Variants in EPHA8 observed in about 807,000 individuals in gnomAD.
EPHA8 encodes ephrin type-A receptor 8.
In EPHA8, 58 loss-of-function variants were observed where a neutral mutation model predicts 103.6. The ratio of observed to expected loss-of-function variants is 0.56; its 90% CI spans 0.45 to 0.70. EPHA8 has a LOEUF of 0.70. Ranked by LOEUF, EPHA8 falls within the 30% of genes least tolerant of loss-of-function variation. The pLI is 0.00. For synonymous variants in EPHA8, 559 were observed against 572.5 expected, an observed-to-expected ratio of 0.98 and a Z score of 0.34; for missense variants, 1,304 against 1,395.2, an observed-to-expected ratio of 0.93 and a Z score of 1.04.
intron 3 of EPHA8, among the ~76,000 whole-genome samples, chr1:22,580,585 G>T (rs1487622169): frequency 6.6e-6 from 1 of 152,160 alleles, no homozygotes; most frequent in Non-Finnish European, 1.5e-5. Flanking sequence ...GGTTTGCCAG[G>T]CTCCCCAGGC....
chr1:22,578,868 CACGTGTCCGT>C (rs559453652), intron 3 of EPHA8, among the ~76,000 whole-genome samples: 3 of 128,288 alleles, frequency 2.3e-5, no homozygotes, highest in African/African-American at 1.1e-4. Context: ...TGTGTATATG[CACGTGTCCGT>C]GTGTCCGTGT....
At chr1:22,591,168 T>C (rs1025806920) in intron 5 of EPHA8, among the ~76,000 whole-genome samples, 1 of 151,640 alleles carries the variant, frequency 6.6e-6, no homozygotes, top group Non-Finnish European at 1.5e-5. Flanking sequence ...GGCGGGAGGA[T>C]CACTTGAGGC....
chr1:22,585,784 T>C (rs1471212221), intron 3 of EPHA8, among the ~76,000 whole-genome samples: 6 of 152,124 alleles, frequency 3.9e-5, no homozygotes, highest in Non-Finnish European at 8.8e-5. Flanking sequence ...AGTGTGGGCC[T>C]GGGAGGGGAG....
chr1:22,590,267 T>C (rs1335558509), intron 5 of EPHA8, among the ~76,000 whole-genome samples: 1 of 152,128 alleles, frequency 6.6e-6, no homozygotes, highest in Non-Finnish European at 1.5e-5. Context: ...TGGTCCCAAG[T>C]GGAGGGGAGA....
At chr1:22,572,445 G>C (rs547166585) in intron 2 of EPHA8, among the ~76,000 whole-genome samples, 3 of 152,334 alleles carry the variant, frequency 2.0e-5, no homozygotes, top group South Asian at 2.1e-4. Flanking sequence ...TACGAAGACT[G>C]GGGGAGGTCT....
intron 13 of EPHA8, among the ~76,000 whole-genome samples, chr1:22,599,709 GGGAA>G (rs1284460330): frequency 1.2e-4 from 1 of 8,508 alleles, no homozygotes; most frequent in Non-Finnish European, 2.3e-4. Context: ...GGAGGAAGGA[GGGAA>G]GGAAGGGAGG....
chr1:22,598,793 C>G lies in EPHA8; in HGVS notation c.2179-45C>G, dbSNP rs777637611. 1.9e-6 allele frequency: 3 copies of G among 1,589,752 alleles called. 1 individual carries two copies. The South Asian group carries it at 3.3e-5, about 18-fold the overall frequency. ...GAGGTGTTCCTGTTCACGGACCAGG[C>G]GCCTCGCCGGGCTTTCCTGAAGTCC... On this transcript the variant is annotated intron_variant, in intron 12 of 16. Coordinates refer to ENST00000166244, the MANE Select transcript of EPHA8 (RefSeq NM_020526.5). This position sits in a 1 kb window ranked among gnomAD's most constrained non-coding sequence, Gnocchi z 5.1.
chr1:22,571,426 A>G (rs1453836007), intron 2 of EPHA8, among the ~76,000 whole-genome samples: 2 of 152,156 alleles, frequency 1.3e-5, no homozygotes, highest in South Asian at 2.1e-4. Context: ...GTTCCAGCTG[A>G]TGGCAAGCTG....
chr1:22,596,958 A>G (rs1174488436), intron 9 of EPHA8, among the ~76,000 whole-genome samples: 1 of 152,194 alleles, frequency 6.6e-6, no homozygotes, highest in Non-Finnish European at 1.5e-5. Flanking sequence ...ACGCCCAGCC[A>G]GAAACTATTT....
At position 22,598,755 on chromosome 1, in the gene EPHA8, AT is replaced by A; in HGVS notation, c.2179-82del. The A allele has an allele frequency of 7.1e-7, 1 of 1,408,836 alleles. No individual in the cohort carries two copies. Among genetic ancestry groups the A allele is most frequent in the Non-Finnish European group, 9.8e-7 (1 of 1,020,878 alleles). 87.3% of individuals were successfully genotyped at this position (1,408,836 alleles called of 1,614,324 possible). A position where few individuals can be genotyped will look rare whatever the true frequency, so the allele number is the denominator to read the frequency against. On this transcript the variant is annotated intron_variant, in intron 12 of 16. Coordinates refer to ENST00000166244, the MANE Select transcript of EPHA8 (RefSeq NM_020526.5). This position sits in a 1 kb window ranked among gnomAD's most constrained non-coding sequence, Gnocchi z 5.1. Reference sequence around the variant, plus strand: ...CAAAGCACCGTCTCAACTCGAGAGCATCCTACAGATGGGAGGTGTTCCTGTT... The same window carrying A: ...CAAAGCACCGTCTCAACTCGAGAGCACCTACAGATGGGAGGTGTTCCTGTT...
At chr1:22,564,122 A>G (rs1640282660) in intron 1 of EPHA8, among the ~76,000 whole-genome samples, 1 of 141,270 alleles carries the variant, frequency 7.1e-6, no homozygotes, top group African/African-American at 2.7e-5. Flanking sequence ...GGTTGGGGAC[A>G]GAGGACAGGG....
chr1:22,597,420 G>C lies in EPHA8; in HGVS notation c.1874G>C (p.Ser625Thr). Reference sequence around the variant, plus strand: ...GAGGAGCCAGGCCGGGCGGGCCGCAGTTTCACTCGGGAGATCGAGGCCTCT... The same window carrying C: ...GAGGAGCCAGGCCGGGCGGGCCGCACTTTCACTCGGGAGATCGAGGCCTCT... ...TYEEPGRAGR[S>T]FTREIEASRI... The change falls in exon 10 of 17, where the codon AGT (serine) becomes ACT (threonine). Residue 625 changes from serine (S) to threonine (T), a missense_variant. Ser to Thr is a moderately conservative substitution (Grantham distance 58, BLOSUM62 1). Coordinates refer to ENST00000166244, the MANE Select transcript of EPHA8 (RefSeq NM_020526.5). The surrounding 1 kb of genome is among the most constrained non-coding windows in gnomAD (Gnocchi z 4.6). The C allele has an allele frequency of 6.2e-7, 1 of 1,613,594 alleles. No individual in the cohort carries two copies. Among genetic ancestry groups the C allele is most frequent in the South Asian group, 1.1e-5 (1 of 91,082 alleles).
At chr1:22,587,159 G>T (rs1641235596) in intron 4 of EPHA8, among the ~76,000 whole-genome samples, 1 of 152,258 alleles carries the variant, frequency 6.6e-6, no homozygotes, top group South Asian at 2.1e-4. Context: ...TGCAGTGATT[G>T]TGTGTTAGCG....
At chr1:22,588,736 G>C in intron 4 of EPHA8, 135 bp from the exon 5 acceptor site, 1 of 1,462,026 alleles carries the variant, frequency 6.8e-7, no homozygotes, top group Non-Finnish European at 9.0e-7. Context: ...GGATGGAGTA[G>C]ATGTGGACCT....
rs1210934249 is a variant in EPHA8, at chr1:22,598,861, C to G, written c.2202C>G (p.Ile734Met). ...AGACCCACGACGGGCAGTTCACCAT[C>G]ATGCAGCTGGTGGGCATGCTGAGAG... ...FLRTHDGQFT[I>M]MQLVGMLRGV... The change falls in exon 13 of 17, where the codon ATC becomes ATG. Residue 734 changes from isoleucine (I) to methionine (M), a missense_variant. Coordinates refer to ENST00000166244, the MANE Select transcript of EPHA8 (RefSeq NM_020526.5). The surrounding 1 kb of genome is among the most constrained non-coding windows in gnomAD (Gnocchi z 5.1). 9 of 1,613,064 alleles carry G rather than the reference C, an allele frequency of 5.6e-6. No homozygotes were observed. Among genetic ancestry groups the G allele is most frequent in the Non-Finnish European group, 7.6e-6 (9 of 1,179,974 alleles).
At chr1:22,578,530 TATGCGTGC>T (rs1404532321) in intron 3 of EPHA8, among the ~76,000 whole-genome samples, 2 of 136,764 alleles carry the variant, frequency 1.5e-5, no homozygotes, top group Admixed American at 1.5e-4. Context: ...CATGTGTGCA[TATGCGTGC>T]ATGTGTGCGT....
intron 14 of EPHA8, 27 bp downstream of exon 14, chr1:22,600,837 CG>C (rs746054355): frequency 2.5e-6 from 4 of 1,590,338 alleles, no homozygotes; most frequent in African/African-American, 1.3e-5. Flanking sequence ...GGCAGGTCCG[CG>C]GGCGGTGGAG....
chr1:22,585,050 T>TGTGTGTGTGTGCGCGC (rs71020436), intron 3 of EPHA8, among the ~76,000 whole-genome samples: 1 of 93,494 alleles, frequency 1.1e-5, no homozygotes, highest in Non-Finnish European at 2.1e-5. Flanking sequence ...TGTGTGTGTG[T>TGTGTGTGTGTGCGCGC]GCGCACGCGT....
At chr1:22,568,656 G>C (rs986403479) in intron 1 of EPHA8, among the ~76,000 whole-genome samples, 8 of 152,272 alleles carry the variant, frequency 5.3e-5, no homozygotes, top group African/African-American at 1.9e-4. Flanking sequence ...CTAAGAGGCA[G>C]CTCTTACCCC....
Sources: allele counts gnomAD v4.1 joint callset (sites outside exome capture counted in the v4.1 genomes callset), GRCh38; gene constraint gnomAD v4.1.1; non-coding constraint Gnocchi (gnomAD v3.1); transcripts MANE v1.5; gene names NCBI Gene and HGNC (gene_info 2026-07-23, HGNC 2026-07-21).